The following CACNA2D4 variants were observed in gnomAD, a reference collection of about 807,000 sequenced individuals.
CACNA2D4 encodes the protein calcium voltage-gated channel auxiliary subunit alpha2delta 4, also known as voltage-dependent calcium channel subunit alpha-2/delta-4.
A neutral mutation model predicts 163.8 loss-of-function variants in CACNA2D4; 157 were observed. That is an observed-to-expected ratio of 0.96 (90% CI 0.84 to 1.09). CACNA2D4 has a LOEUF of 1.09. Ranked by LOEUF, CACNA2D4 falls within the 50% of genes least tolerant of loss-of-function variation. The probability of loss-of-function intolerance (pLI) is 0.00; values close to 1 mark genes in which losing one functional copy is unlikely to be tolerated. For synonymous variants in CACNA2D4, 598 were observed against 586.9 expected (o/e 1.02, Z -0.27); for missense variants, 1,410 against 1,479.9 (o/e 0.95, Z 0.78).
chr12:1,798,513 C>T lies in CACNA2D4; in HGVS notation c.2996-978G>A, dbSNP rs991078845. On this transcript the variant is annotated intron_variant, in intron 34 of 37. Coordinates refer to ENST00000382722, the MANE Select transcript of CACNA2D4 (RefSeq NM_172364.5). The surrounding 1 kb of genome is among the most constrained non-coding windows in gnomAD (Gnocchi z 4.3). ...ACCGAGAGGAGCAAGCCCACAGCGG[C>T]CAGGGCTGTGAGTTTTGTCCCCAGG... Among the ~76,000 whole-genome samples, 6 of 151,956 alleles carry T rather than the reference C, an allele frequency of 3.9e-5. No individual in the cohort carries two copies. The highest frequency in any genetic ancestry group is 7.4e-5 in the Non-Finnish European group (5 of 67,966).
intron 6 of CACNA2D4, among the ~76,000 whole-genome samples, chr12:1,890,275 G>A (rs1206499311): frequency 6.6e-6 from 1 of 152,138 alleles, no homozygotes; most frequent in African/African-American, 2.4e-5. Context: ...AGCACAGCAC[G>A]ATATCAAGAG....
intron 26 of CACNA2D4, among the ~76,000 whole-genome samples, chr12:1,825,395 C>T (rs191419882): frequency 3.9e-4 from 60 of 152,312 alleles, no homozygotes; most frequent in African/African-American, 1.2e-3. Context: ...ATGGGGAATC[C>T]GGCCTCAACA....
At chr12:1,886,405 G>A (rs1302577810) in intron 7 of CACNA2D4, 32 bp from the exon 8 acceptor site, 2 of 1,604,136 alleles carry the variant, frequency 1.2e-6, no homozygotes, top group East Asian at 2.2e-5. Flanking sequence ...CCCAAGATGG[G>A]AAAACCAAAG....
At chr12:1,862,848 G>A (rs1017576672) in intron 18 of CACNA2D4, among the ~76,000 whole-genome samples, 1 of 152,142 alleles carries the variant, frequency 6.6e-6, no homozygotes, top group African/African-American at 2.4e-5. Flanking sequence ...TGCTTTGTAG[G>A]AGTTCTTTAT....
At chr12:1,803,616 T>A (rs1378939343) in intron 29 of CACNA2D4, among the ~76,000 whole-genome samples, 1 of 151,970 alleles carries the variant, frequency 6.6e-6, no homozygotes, top group Non-Finnish European at 1.5e-5. Flanking sequence ...AAATGGAGGG[T>A]CAATTACAAA....
rs1287257035 is a variant in CACNA2D4 at position 1,802,872 on chromosome 12, A to C, written c.2722-1228T>G. On this transcript the variant is annotated intron_variant, in intron 29 of 37. Transcript: ENST00000382722. This position sits in a 1 kb window ranked among gnomAD's most constrained non-coding sequence, Gnocchi z 4.7. ...CGGCAGCCTGTGGAGTCCTAGTCTC[A>C]CTCTGCCTGATAAGATATTTGGTTG... is the stretch of plus-strand genomic sequence containing the variant. Among the ~76,000 whole-genome samples, 1 of 152,150 alleles carries C rather than the reference A, an allele frequency of 6.6e-6. No individual in the cohort carries two copies. The highest frequency in any genetic ancestry group is 1.5e-5 in the Non-Finnish European group (1 of 68,022).
intron 1 of CACNA2D4, among the ~76,000 whole-genome samples, chr12:1,916,694 C>T (rs1305823561): frequency 1.3e-5 from 2 of 152,174 alleles, no homozygotes; most frequent in Non-Finnish European, 2.9e-5. Context: ...GTGTCCCAAG[C>T]AACAGGGTCT....
chr12:1,840,631 A>C, intron 26 of CACNA2D4, 108 bp downstream of exon 26: 1 of 819,006 alleles, frequency 1.2e-6, no homozygotes, highest in Non-Finnish European at 2.0e-6. Context: ...TTCCACCGGC[A>C]GGACTGTGGC....
In CACNA2D4 at chr12:1,885,052, A is replaced by C. The variant is rs199570358; in HGVS notation, c.1093T>G (p.Leu365Val). Reference sequence around the variant, plus strand: ...ACGACCCCCACACCTTTGACCATCAACTCCTCCACCAGCAGTTTGAAATGC... The same window carrying C: ...ACGACCCCCACACCTTTGACCATCACCTCCTCCACCAGCAGTTTGAAATGC... The part of the protein sequence containing the change: ...REHFKLLVEE[L>V]MVKGVGVVDQ... Residue 365 changes from leucine (L) to valine (V), a missense_variant, in exon 10 of 38, where the codon TTG (leucine) becomes GTG (valine). Coordinates refer to ENST00000382722, the MANE Select transcript of CACNA2D4 (RefSeq NM_172364.5). 2 of 1,613,320 alleles carry C rather than the reference A, an allele frequency of 1.2e-6. No individual in the cohort carries two copies. The highest frequency in any genetic ancestry group is 1.7e-6 in the Non-Finnish European group (2 of 1,179,730).
At chr12:1,818,667 A>G (rs2154446220) in intron 26 of CACNA2D4, among the ~76,000 whole-genome samples, 1 of 151,148 alleles carries the variant, frequency 6.6e-6, no homozygotes, top group African/African-American at 2.5e-5. Flanking sequence ...TAGGAAAACC[A>G]GAGACCTTTG....
chr12:1,883,075 C>G lies in CACNA2D4; in HGVS notation c.1352-75G>C. The G allele has an allele frequency of 6.7e-7, 1 of 1,484,596 alleles. No homozygotes were observed. The highest frequency in any genetic ancestry group is 9.1e-7 in the Non-Finnish European group (1 of 1,095,346). 92.0% of individuals were successfully genotyped at this position (1,484,596 alleles called of 1,614,324 possible). A position where few individuals can be genotyped will look rare whatever the true frequency, so the allele number is the denominator to read the frequency against. On this transcript the variant is annotated intron_variant, in intron 12 of 37. Transcript: ENST00000382722. The surrounding 1 kb of genome is among the most constrained non-coding windows in gnomAD (Gnocchi z 4.5). ...ACCCCTCGCCAGGGCCTGCACCCTC[C>G]CCAGCTGCAGATGGCTCATAGCCGA...
Position 1,907,989 on chromosome 12 carries a change from T to G in CACNA2D4, c.535A>C (p.Asn179His). Residue 179 changes from asparagine (N) to histidine (H), a missense_variant, in exon 5 of 38, where the codon AAC becomes CAC. By Grantham distance (68) the Asn-to-His change is moderately conservative. Coordinates refer to ENST00000382722, the MANE Select transcript of CACNA2D4 (RefSeq NM_172364.5). ...AACTCGGCGCCCAGCTCCACGAAGT[T>G]GCCCTTCTCGTCCCTCTCGTTGATC... ...VLINERDEKG[N>H]FVELGAEFLL... 4 of 1,614,046 alleles carry G rather than the reference T, an allele frequency of 2.5e-6. No homozygotes were observed. Among genetic ancestry groups the G allele is most frequent in the Non-Finnish European group, 3.4e-6 (4 of 1,179,886 alleles).
At chr12:1,862,683 G>A (rs1865550298) in intron 18 of CACNA2D4, among the ~76,000 whole-genome samples, 1 of 152,216 alleles carries the variant, frequency 6.6e-6, no homozygotes, top group Non-Finnish European at 1.5e-5. Context: ...GAAGTGTTGG[G>A]ATTAGAGGGA....
intron 26 of CACNA2D4, among the ~76,000 whole-genome samples, chr12:1,824,649 C>A (rs1864243339): frequency 6.6e-6 from 1 of 152,204 alleles, no homozygotes; most frequent in Non-Finnish European, 1.5e-5. Context: ...GGACTTCCCT[C>A]CCAGACTGTG....
chr12:1,865,707 G>A (rs1013731820), intron 18 of CACNA2D4, among the ~76,000 whole-genome samples: 2 of 152,228 alleles, frequency 1.3e-5, no homozygotes, highest in African/African-American at 2.4e-5. Flanking sequence ...GATGCAGCCC[G>A]GGCGGCAGGC....
At chr12:1,841,441 A>G (rs1447371574) in intron 25 of CACNA2D4, among the ~76,000 whole-genome samples, 1 of 152,186 alleles carries the variant, frequency 6.6e-6, no homozygotes, top group Non-Finnish European at 1.5e-5. Context: ...CTTGCCTCGC[A>G]TTGCTCTCTC....
chr12:1,831,584 C>CA, intron 26 of CACNA2D4: 1 of 1,396,914 alleles, frequency 7.2e-7, no homozygotes, highest in Non-Finnish European at 9.9e-7. Context: ...TCTGGCCCCA[C>CA]ACTTTCCTCC....
At position 1,806,808 on chromosome 12, in the gene CACNA2D4, C is replaced by T. The variant is rs958095837; in HGVS notation, c.2721+3470G>A. Reference sequence around the variant, plus strand: ...GGCAAATCTGCATCTCTAACAAGCTCCCAGATGCTGGGGCTTCTGTCCTTC... The same window carrying T: ...GGCAAATCTGCATCTCTAACAAGCTTCCAGATGCTGGGGCTTCTGTCCTTC... On this transcript the variant is annotated intron_variant, in intron 29 of 37. Transcript: ENST00000382722. The surrounding 1 kb of genome is among the most constrained non-coding windows in gnomAD (Gnocchi z 4.1). Among the ~76,000 whole-genome samples, 2 of 152,124 alleles carry T rather than the reference C, an allele frequency of 1.3e-5. No individual in the cohort carries two copies. Among genetic ancestry groups the T allele is most frequent in the Non-Finnish European group, 2.9e-5 (2 of 68,028 alleles).
chr12:1,887,169 G>C, intron 6 of CACNA2D4, 100 bp from the exon 7 acceptor site: 1 of 774,712 alleles, frequency 1.3e-6, no homozygotes, highest in Non-Finnish European at 2.3e-6. Context: ...CCCCAGGGCA[G>C]AACAGCTTTG....
Sources: gnomAD v4.1 joint callset for allele counts (sites outside exome capture counted in the v4.1 genomes callset) on GRCh38, gnomAD v4.1.1 for gene constraint, Gnocchi (gnomAD v3.1) non-coding constraint, MANE v1.5 for transcripts, NCBI Gene and HGNC (gene_info 2026-07-23, HGNC 2026-07-21) for gene names.